Variants in LMTK2 observed in about 807,000 individuals in gnomAD.
LMTK2 encodes serine/threonine-protein kinase LMTK2.
A neutral mutation model predicts 127.5 loss-of-function variants in LMTK2; 37 were observed. The observed-to-expected ratio is 0.29, with a 90% CI of 0.22 to 0.38. LMTK2 has a LOEUF of 0.38. Among genes scored for constraint, LMTK2 ranks in the 10% least tolerant of loss-of-function variants. LMTK2 has a pLI of 1.00. For missense variants in LMTK2, 1,694 were observed against 1,920.3 expected, an observed-to-expected ratio of 0.88 and a Z score of 2.20; for synonymous variants, 819 against 810.1, an observed-to-expected ratio of 1.01 and a Z score of -0.19.
rs142710148 is a variant in LMTK2, at chr7:98,128,846, G to A, written c.104-8469G>A. On this transcript the variant is annotated intron_variant, in intron 1 of 13. Coordinates refer to ENST00000297293, the MANE Select transcript of LMTK2 (RefSeq NM_014916.4). ...TGTTTTTGAGGGAGAACATAAATTG[G>A]AGGAAATCCACTTTTTGAGATAATG... Among the ~76,000 whole-genome samples, 28 of 152,256 alleles carry A rather than the reference G, an allele frequency of 1.8e-4. No individual in the cohort carries two copies. The East Asian group carries it at 4.8e-3, about 26-fold the overall frequency.
chr7:98,168,413 C>T (rs1009152084), intron 6 of LMTK2, among the ~76,000 whole-genome samples: 2 of 152,222 alleles, frequency 1.3e-5, no homozygotes, highest in Admixed American at 6.5e-5. Context: ...GGAGGCGTGG[C>T]GGCGTCAGCT....
chr7:98,172,255 C>G (rs960730091), intron 7 of LMTK2, among the ~76,000 whole-genome samples: 14 of 151,738 alleles, frequency 9.2e-5, no homozygotes, highest in Admixed American at 8.5e-4. Flanking sequence ...ATCTGTGTAG[C>G]ACATTTCTGT....
chr7:98,171,366 A>G lies in LMTK2; in HGVS notation c.658-175A>G, dbSNP rs1797187623. Among the ~76,000 whole-genome samples, 1 of 152,226 alleles carries G rather than the reference A, an allele frequency of 6.6e-6. No homozygotes were observed. Among genetic ancestry groups the G allele is most frequent in the Admixed American group, 6.5e-5 (1 of 15,284 alleles). On this transcript the variant is annotated intron_variant, in intron 6 of 13. Coordinates refer to ENST00000297293, the MANE Select transcript of LMTK2 (RefSeq NM_014916.4). This position sits in a 1 kb window ranked among gnomAD's most constrained non-coding sequence, Gnocchi z 5.1. ...GATGTTAACTAGTTAGAATGTTCCT[A>G]AAAGCATAATAGTGTTCTATACTTT... is the stretch of plus-strand genomic sequence containing the variant.
At position 98,204,037 on chromosome 7, in the gene LMTK2, C is replaced by T; in HGVS notation, c.4334C>T (p.Thr1445Ile). 1.9e-6 allele frequency: 3 copies of T among 1,614,206 alleles called. No individual in the cohort carries two copies. Among genetic ancestry groups the T allele is most frequent in the Non-Finnish European group, 2.5e-6 (3 of 1,180,048 alleles). Residue 1445 changes from threonine (T) to isoleucine (I), a missense_variant, in exon 13 of 14, where the codon ACA becomes ATA. Around this residue, in one of 8 missense-constraint regions of LMTK2, gnomAD observed 554 missense variants for 567.7 expected, o/e 0.98. Transcript: ENST00000297293. ...CTCAGCTCCAAGCCTTCTCTCCAAACATCCAAGTACTTTTCTCCGCCGCCA... is the reference window on the plus strand; with the variant it reads ...CTCAGCTCCAAGCCTTCTCTCCAAATATCCAAGTACTTTTCTCCGCCGCCA... ...NLLSSKPSLQ[T>I]SKYFSPPPPA... is the part of the protein sequence containing the mutation.
intron 6 of LMTK2, among the ~76,000 whole-genome samples, chr7:98,165,734 T>C (rs887419281): frequency 6.6e-6 from 1 of 152,130 alleles, no homozygotes; most frequent in East Asian, 1.9e-4. Flanking sequence ...ATAAGCCCCA[T>C]GCACCAGGGC....
chr7:98,140,199 TG>T (rs2116366857), intron 2 of LMTK2, among the ~76,000 whole-genome samples: 2 of 110,004 alleles, frequency 1.8e-5, no homozygotes, highest in Admixed American at 9.4e-5. Flanking sequence ...TTTCTGTCTT[TG>T]AGATGGTCTC....
At chr7:98,155,147 A>G (rs936779620) in intron 5 of LMTK2, among the ~76,000 whole-genome samples, 1 of 152,250 alleles carries the variant, frequency 6.6e-6, no homozygotes, top group Non-Finnish European at 1.5e-5. Flanking sequence ...AGCACTCATC[A>G]TAAAAATGCT....
At chr7:98,126,114 G>A (rs1252647564) in intron 1 of LMTK2, among the ~76,000 whole-genome samples, 1 of 152,186 alleles carries the variant, frequency 6.6e-6, no homozygotes, top group African/African-American at 2.4e-5. Context: ...AGAAAAAGTA[G>A]ACATGTTTTT....
rs1235038597 is a variant in LMTK2, at chr7:98,205,507, G to C, written c.*15G>C. On this transcript the variant is annotated 3_prime_UTR_variant, in exon 14 of 14. Coordinates refer to ENST00000297293, the MANE Select transcript of LMTK2 (RefSeq NM_014916.4). ...AAAAGGACTAGGTGGCTGCCAACGC[G>C]CACGCTCGGGTCCGAGGCTGCTCCC... 3.7e-6 allele frequency: 6 copies of C among 1,611,786 alleles called. No individual in the cohort carries two copies. Among genetic ancestry groups the C allele is most frequent in the Non-Finnish European group, 5.1e-6 (6 of 1,179,866 alleles).
At position 98,194,214 on chromosome 7, in the gene LMTK2, A is replaced by C; in HGVS notation, c.3749A>C (p.His1250Pro). The change falls in exon 11 of 14, where the codon CAC becomes CCC. Residue 1250 changes from histidine to proline, a missense_variant. His to Pro is a moderately conservative substitution (Grantham distance 77, BLOSUM62 -2). Transcript: ENST00000297293. The surrounding 1 kb of genome is among the most constrained non-coding windows in gnomAD (Gnocchi z 5.4). Reference sequence around the variant, plus strand: ...GCGCTGGACAAGTCCCTGTCCAGCCACTCCGAGGGCCCGAAGTTGAAGGAG... The same window carrying C: ...GCGCTGGACAAGTCCCTGTCCAGCCCCTCCGAGGGCCCGAAGTTGAAGGAG... ...NSALDKSLSS[H>P]SEGPKLKEPD... 1 of 1,613,916 alleles carries C rather than the reference A, an allele frequency of 6.2e-7. No homozygotes were observed. Among genetic ancestry groups the C allele is most frequent in the Non-Finnish European group, 8.5e-7 (1 of 1,179,994 alleles).
In LMTK2 at chr7:98,192,302, C is replaced by A; in HGVS notation, c.1837C>A (p.Pro613Thr). The A allele has an allele frequency of 1.1e-5, 17 of 1,547,680 alleles. No homozygotes were observed. Among genetic ancestry groups the A allele is most frequent in the Non-Finnish European group, 1.4e-5 (16 of 1,153,766 alleles). ...DEDFFQSSTD[P>T]KDSSLPGDLH... is the part of the protein sequence containing the mutation. ...GGACTTCTTCCAAAGCAGTACAGAC[C>A]CCAAAGACTCTAGCTTACCAGGGGA... The change falls in exon 11 of 14, where the codon CCC becomes ACC. Residue 613 changes from proline to threonine, a missense_variant. By Grantham distance (38) the Pro-to-Thr change is conservative. Around this residue, in one of 8 missense-constraint regions of LMTK2, gnomAD observed 527 missense variants for 539.8 expected, o/e 0.98. Transcript: ENST00000297293.
intron 6 of LMTK2, among the ~76,000 whole-genome samples, chr7:98,170,259 G>C (rs1310991629): frequency 6.6e-6 from 1 of 152,156 alleles, no homozygotes; most frequent in Non-Finnish European, 1.5e-5. Flanking sequence ...TTGGCTCAGG[G>C]CTCAAAGCAC....
At chr7:98,202,541 A>G (rs2116482375) in intron 11 of LMTK2, among the ~76,000 whole-genome samples, 1 of 152,290 alleles carries the variant, frequency 6.6e-6, no homozygotes, top group African/African-American at 2.4e-5. Context: ...AAATGCTGTG[A>G]ATCATGTTGA....
At chr7:98,117,623 G>C (rs1796305422) in intron 1 of LMTK2, among the ~76,000 whole-genome samples, 1 of 152,050 alleles carries the variant, frequency 6.6e-6, no homozygotes, top group South Asian at 2.1e-4. Flanking sequence ...CCTAGAATCA[G>C]CCTTTTCTTC....
At chr7:98,152,823 A>G (rs1213263754) in intron 4 of LMTK2, among the ~76,000 whole-genome samples, 2 of 152,268 alleles carry the variant, frequency 1.3e-5, no homozygotes, top group Middle Eastern at 3.4e-3. Flanking sequence ...CAGGGAGGAG[A>G]TGGGCTAGAA....
intron 7 of LMTK2, among the ~76,000 whole-genome samples, chr7:98,183,472 C>T (rs1395809364): frequency 1.3e-5 from 2 of 152,296 alleles, no homozygotes; most frequent in East Asian, 3.9e-4. Flanking sequence ...ATTGCAGCCT[C>T]CGCCTCTGGG....
chr7:98,143,584 A>G (rs994226306), intron 3 of LMTK2, among the ~76,000 whole-genome samples: 3 of 152,344 alleles, frequency 2.0e-5, no homozygotes, highest in Admixed American at 6.5e-5. Context: ...ACTTAAGCTG[A>G]GAGCAGATAG....
At chr7:98,144,081 A>G (rs1310797493) in intron 3 of LMTK2, among the ~76,000 whole-genome samples, 1 of 152,106 alleles carries the variant, frequency 6.6e-6, no homozygotes, top group Non-Finnish European at 1.5e-5. Flanking sequence ...AATGTATTTT[A>G]TTTTTTGCAT....
At chr7:98,154,399 A>C (rs1796898369) in intron 4 of LMTK2, among the ~76,000 whole-genome samples, 1 of 152,262 alleles carries the variant, frequency 6.6e-6, no homozygotes, top group African/African-American at 2.4e-5. Context: ...CATTTGAGTT[A>C]TGTTGGAACT....
Sources: gnomAD v4.1 joint callset for allele counts (sites outside exome capture counted in the v4.1 genomes callset) on GRCh38, gnomAD v4.1.1 for gene constraint, gnomAD v4.1.1 regional missense constraint, Gnocchi (gnomAD v3.1) non-coding constraint, MANE v1.5 for transcripts, NCBI Gene and HGNC (gene_info 2026-07-23, HGNC 2026-07-21) for gene names.